Variants in TRERF1 observed in about 807,000 individuals in gnomAD.
TRERF1 encodes the protein transcriptional regulating factor 1, also known as transcriptional-regulating factor 1.
In TRERF1, 27 loss-of-function variants were observed where a neutral mutation model predicts 122.9. The observed-to-expected ratio is 0.22, with a 90% CI of 0.16 to 0.30. The LOEUF is 0.30. Among genes scored for constraint, TRERF1 ranks in the 10% least tolerant of loss-of-function variants. The probability of loss-of-function intolerance (pLI) is 1.00; values close to 1 mark genes in which losing one functional copy is unlikely to be tolerated. For missense variants in TRERF1, 1,248 were observed against 1,560.3 expected, an observed-to-expected ratio of 0.80 and a Z score of 3.37; for synonymous variants, 636 against 641.7, an observed-to-expected ratio of 0.99 and a Z score of 0.13.
At chr6:42,299,648 C>G (rs1048484058) in intron 4 of TRERF1, among the ~76,000 whole-genome samples, 1 of 152,002 alleles carries the variant, frequency 6.6e-6, no homozygotes, top group African/African-American at 2.4e-5. Flanking sequence ...AAAACTATAT[C>G]CAATATTTAA....
At chr6:42,386,057 G>GA (rs1411307016) in intron 2 of TRERF1, among the ~76,000 whole-genome samples, 4 of 152,120 alleles carry the variant, frequency 2.6e-5, no homozygotes, top group African/African-American at 7.2e-5. Flanking sequence ...TTTTGGGATA[G>GA]AAAAAAAGCA....
chr6:42,236,671 G>A (rs1174722079), intron 15 of TRERF1, among the ~76,000 whole-genome samples: 1 of 152,196 alleles, frequency 6.6e-6, no homozygotes, highest in African/African-American at 2.4e-5. Context: ...TAAAGATATG[G>A]TGAGGCAGAG....
intron 17 of TRERF1, among the ~76,000 whole-genome samples, chr6:42,230,283 A>T (rs1463198008): frequency 6.6e-6 from 1 of 152,164 alleles, no homozygotes; most frequent in African/African-American, 2.4e-5. Flanking sequence ...AGGAAAAGCC[A>T]CAGAAACCAT....
At position 42,396,700 on chromosome 6, in the gene TRERF1, A is replaced by G. The variant is rs569704773; in HGVS notation, c.-453-33621T>C. Among the ~76,000 whole-genome samples, 32 of 152,326 alleles carry G rather than the reference A, an allele frequency of 2.1e-4. 1 individual carries two copies. The South Asian group carries it at 6.4e-3, about 31-fold the overall frequency. On this transcript the variant is annotated intron_variant, in intron 2 of 17. Coordinates refer to ENST00000372922, the Ensembl canonical transcript of TRERF1. ...GAGATTTCTTGTCTGTACAGGGTGT[A>G]TTATAAGAGAGAACATATATAACTT...
At chr6:42,409,254 G>A (rs968868317) in intron 2 of TRERF1, among the ~76,000 whole-genome samples, 16 of 152,108 alleles carry the variant, frequency 1.1e-4, no homozygotes, top group African/African-American at 3.9e-4. Flanking sequence ...ACTCCAGCCT[G>A]GGTGCAGTGA....
At chr6:42,338,898 T>C (rs573088622) in intron 3 of TRERF1, among the ~76,000 whole-genome samples, 1 of 152,334 alleles carries the variant, frequency 6.6e-6, no homozygotes, top group South Asian at 2.1e-4. Context: ...TATATTTTTT[T>C]CACAATTGGT....
intron 2 of TRERF1, among the ~76,000 whole-genome samples, chr6:42,421,429 C>CT (rs1333602132): frequency 1.3e-5 from 2 of 152,022 alleles, no homozygotes; most frequent in Non-Finnish European, 2.9e-5. Flanking sequence ...TCCACTCAGA[C>CT]TTTTTTTTCC....
chr6:42,230,640 C>G (rs970724251), intron 17 of TRERF1, among the ~76,000 whole-genome samples: 3 of 152,110 alleles, frequency 2.0e-5, no homozygotes, highest in African/African-American at 4.8e-5. Context: ...AAGATCAATC[C>G]AGGGGCCCAT....
At chr6:42,385,713 C>G (rs918158226) in intron 2 of TRERF1, among the ~76,000 whole-genome samples, 15 of 152,132 alleles carry the variant, frequency 9.9e-5, no homozygotes, top group Non-Finnish European at 8.8e-5. Flanking sequence ...TAAACCTACC[C>G]CACCACCACT....
intron 2 of TRERF1, among the ~76,000 whole-genome samples, chr6:42,444,660 C>G (rs1249056795): frequency 3.3e-5 from 5 of 152,128 alleles, no homozygotes; most frequent in Non-Finnish European, 7.3e-5. Flanking sequence ...CCCCTCAGAC[C>G]TTCTCAAGGG....
In TRERF1 at chr6:42,246,091, G is replaced by A. The variant is rs149344744; in HGVS notation, c.2745+365C>T. The stretch of plus-strand genomic sequence containing the variant: ...CCACTGCACTCCAGCCTGGGTGAGA[G>A]AGTGAAACTGTCTTGGAAAAAATAA... On this transcript the variant is annotated intron_variant, in intron 14 of 17. Transcript: ENST00000372922. Among the ~76,000 whole-genome samples the A allele has an allele frequency of 5.8e-4, 89 of 152,344 alleles. 1 individual carries two copies. The highest frequency in any genetic ancestry group is 3.4e-3 in the Middle Eastern group (1 of 294).
At chr6:42,366,145 C>T (rs1191488828) in intron 2 of TRERF1, among the ~76,000 whole-genome samples, 1 of 152,200 alleles carries the variant, frequency 6.6e-6, no homozygotes, top group Non-Finnish European at 1.5e-5. Flanking sequence ...GTGGCACCAA[C>T]CCAGCTTACC....
chr6:42,229,903 T>G (rs976959012), intron 17 of TRERF1, among the ~76,000 whole-genome samples: 1 of 152,268 alleles, frequency 6.6e-6, no homozygotes, highest in African/African-American at 2.4e-5. Context: ...TGTCTGTTTA[T>G]GCAATGTTGA....
intron 15 of TRERF1, among the ~76,000 whole-genome samples, chr6:42,237,787 G>A (rs564226963): frequency 8.5e-5 from 13 of 152,352 alleles, no homozygotes; most frequent in Admixed American, 8.5e-4. Context: ...TGGGGTGTGT[G>A]TGTGAGAGAG....
At chr6:42,252,186 G>C (rs1775952459) in intron 13 of TRERF1, among the ~76,000 whole-genome samples, 1 of 152,248 alleles carries the variant, frequency 6.6e-6, no homozygotes, top group Non-Finnish European at 1.5e-5. Flanking sequence ...GCAGCCATTA[G>C]ATCTGGGCAA....
At chr6:42,385,583 C>A (rs1386667453) in intron 2 of TRERF1, among the ~76,000 whole-genome samples, 1 of 152,118 alleles carries the variant, frequency 6.6e-6, no homozygotes, top group Non-Finnish European at 1.5e-5. Context: ...GTGACCTGGA[C>A]CCCGAAACCT....
At chr6:42,255,066 C>A in intron 12 of TRERF1, 140 bp from the exon 13 acceptor site, 1 of 717,862 alleles carries the variant, frequency 1.4e-6, no homozygotes, top group Non-Finnish European at 2.4e-6. Context: ...CAGAGGGAGA[C>A]TCCCCTAACT....
At chr6:42,340,782 T>G (rs1326902309) in intron 3 of TRERF1, among the ~76,000 whole-genome samples, 2 of 152,314 alleles carry the variant, frequency 1.3e-5, no homozygotes, top group East Asian at 3.9e-4. Flanking sequence ...AAGAAAACTC[T>G]TCTCAGATCG....
At chr6:42,376,156 G>A (rs150547643) in intron 2 of TRERF1, among the ~76,000 whole-genome samples, 34 of 152,282 alleles carry the variant, frequency 2.2e-4, no homozygotes, top group Non-Finnish European at 3.1e-4. Flanking sequence ...CAGTTCCAGG[G>A]CACTGAGCAC....
Sources: allele counts gnomAD v4.1 joint callset (sites outside exome capture counted in the v4.1 genomes callset), GRCh38; gene constraint gnomAD v4.1.1; transcripts MANE v1.5; gene names NCBI Gene and HGNC (gene_info 2026-07-23, HGNC 2026-07-21).